Variants in BPIFA2 observed in about 807,000 individuals in gnomAD.
The protein encoded by BPIFA2 is BPI fold-containing family A member 2.
Under a neutral mutation model 25.7 loss-of-function variants are expected in BPIFA2, and 20 were observed. That is an observed-to-expected ratio of 0.78 (90% CI 0.55 to 1.13). The LOEUF is 1.13. Ranked by LOEUF, BPIFA2 falls within the 50% of genes most tolerant of loss-of-function variation. The probability of loss-of-function intolerance (pLI) is 0.00; values close to 1 mark genes in which losing one functional copy is unlikely to be tolerated. For synonymous variants in BPIFA2, 126 were observed against 124.3 expected, an observed-to-expected ratio of 1.01 and a Z score of -0.09; for missense variants, 300 against 298.1, an observed-to-expected ratio of 1.01 and a Z score of -0.05.
chr20:33,173,492 AT>A (rs1185626703), intron 3 of BPIFA2, among the ~76,000 whole-genome samples: 6 of 151,918 alleles, frequency 3.9e-5, no homozygotes, highest in African/African-American at 1.5e-4. Flanking sequence ...ACATACTTTT[AT>A]TATTATTATT....
upstream of BPIFA2, among the ~76,000 whole-genome samples, chr20:33,163,757 G>A (rs904298145): frequency 1.3e-5 from 2 of 152,052 alleles, no homozygotes; most frequent in African/African-American, 4.8e-5. Flanking sequence ...GGGAGGTGGA[G>A]GTTGCGGTGA....
chr20:33,172,136 G>C (rs1262740499), intron 2 of BPIFA2, among the ~76,000 whole-genome samples: 2 of 151,536 alleles, frequency 1.3e-5, no homozygotes, highest in African/African-American at 4.9e-5. Context: ...ACTAACACAG[G>C]AACAGAAAAC....
chr20:33,180,657 C>T (rs1213972746), intron 8 of BPIFA2, 60 bp downstream of exon 8: 22 of 1,368,076 alleles, frequency 1.6e-5, no homozygotes, highest in South Asian at 3.6e-5. Context: ...AAAAGTCAAG[C>T]GTGGCTTCCC....
At chr20:33,180,113 G>A (rs1299580936) in intron 7 of BPIFA2, among the ~76,000 whole-genome samples, 1 of 152,126 alleles carries the variant, frequency 6.6e-6, no homozygotes, top group African/African-American at 2.4e-5. Context: ...AGCTACTCGG[G>A]AGGCTGAGGC....
At chr20:33,166,017 ATTTTT>A (rs1386307447), upstream of BPIFA2, among the ~76,000 whole-genome samples, 1 of 151,714 alleles carries the variant, frequency 6.6e-6, no homozygotes, top group Non-Finnish European at 1.5e-5. Flanking sequence ...ATTTTATTTT[ATTTTT>A]GTTTGTTTGT....
chr20:33,181,137 T>A (rs1984266969), intron 8 of BPIFA2, 87 bp from the exon 9 acceptor site: 1 of 152,506 alleles, frequency 6.6e-6, no homozygotes, highest in Non-Finnish European at 1.5e-5. Flanking sequence ...TCAACTTGGG[T>A]CCCATCAAGT....
chr20:33,163,727 C>A (rs1482978841), upstream of BPIFA2, among the ~76,000 whole-genome samples: 1 of 152,062 alleles, frequency 6.6e-6, no homozygotes, highest in African/African-American at 2.4e-5. Flanking sequence ...GCGGCTGAGG[C>A]AGGAGAATCA....
intron 2 of BPIFA2, 41 bp from the exon 3 acceptor site, chr20:33,172,891 G>C (rs774024155): frequency 1.2e-6 from 2 of 1,600,046 alleles, no homozygotes; most frequent in Non-Finnish European, 1.7e-6. Flanking sequence ...TAGCTACTTC[G>C]TAAGTGGTGC....
intron 6 of BPIFA2, among the ~76,000 whole-genome samples, chr20:33,178,744 T>G (rs2146457615): frequency 6.6e-6 from 1 of 152,290 alleles, no homozygotes; most frequent in South Asian, 2.1e-4. Flanking sequence ...AATGTGGGTT[T>G]ATAAAAGAAA....
At chr20:33,168,487 T>C (rs1474158843) in intron 1 of BPIFA2, among the ~76,000 whole-genome samples, 2 of 152,190 alleles carry the variant, frequency 1.3e-5, no homozygotes, top group Admixed American at 6.5e-5. Flanking sequence ...ATCTATAGAT[T>C]ATATTAAAAT....
At chr20:33,165,879 C>A (rs1983708527), upstream of BPIFA2, among the ~76,000 whole-genome samples, 1 of 152,062 alleles carries the variant, frequency 6.6e-6, no homozygotes, top group East Asian at 1.9e-4. Flanking sequence ...GTCACTGTTT[C>A]TTTTTCCGGA....
chr20:33,170,994 T>C (rs1163672019), intron 2 of BPIFA2, among the ~76,000 whole-genome samples: 1 of 152,240 alleles, frequency 6.6e-6, no homozygotes, highest in Non-Finnish European at 1.5e-5. Flanking sequence ...TACAGAATCC[T>C]TTCCCCACTG....
chr20:33,172,286 C>T (rs543455547), intron 2 of BPIFA2, among the ~76,000 whole-genome samples: 1 of 152,110 alleles, frequency 6.6e-6, no homozygotes. Context: ...ATACCTAATG[C>T]AGGTGGGGCT....
At chr20:33,178,288 T>C in intron 6 of BPIFA2, 60 bp downstream of exon 6, 1 of 1,339,870 alleles carries the variant, frequency 7.5e-7, no homozygotes, top group South Asian at 1.3e-5. Flanking sequence ...TGGGGGAATT[T>C]GCAGGCCTGG....
At chr20:33,180,435 C>A in intron 7 of BPIFA2, 85 bp from the exon 8 acceptor site, 1 of 1,455,718 alleles carries the variant, frequency 6.9e-7, no homozygotes, top group Non-Finnish European at 9.6e-7. Flanking sequence ...AGGTTACCGG[C>A]TGGAGAGCGG....
At chr20:33,165,011 A>G (rs1281137143), upstream of BPIFA2, among the ~76,000 whole-genome samples, 1 of 152,264 alleles carries the variant, frequency 6.6e-6, no homozygotes, top group African/African-American at 2.4e-5. Context: ...ATTAGTGTCC[A>G]GATGTGGAAT....
rs143444594 is a variant in BPIFA2, at chr20:33,180,525, C to G, written c.715C>G (p.Pro239Ala). 1 of 1,613,230 alleles carries G rather than the reference C, an allele frequency of 6.2e-7. No homozygotes were observed. The highest frequency in any genetic ancestry group is 8.5e-7 in the Non-Finnish European group (1 of 1,179,182). ...VNVIQQVVDN[P>A]QHKTQLQTLI The stretch of plus-strand genomic sequence containing the variant: ...TATTGATTTTGTTTCTTCAGATAAT[C>G]CTCAGCACAAAACCCAGCTGCAAAC... Residue 239 changes from proline (P) to alanine (A), a missense_variant, in exon 8 of 9, where the codon CCT becomes GCT. Coordinates refer to ENST00000354932, the MANE Select transcript of BPIFA2 (RefSeq NM_080574.4).
rs1462668763 is a variant in BPIFA2 at position 33,180,593 on chromosome 20, T to C, written c.*33T>C. 1.2e-6 allele frequency: 2 copies of C among 1,601,416 alleles called. No homozygotes were observed. The highest frequency in any genetic ancestry group is 3.3e-5 in the Admixed American group (2 of 60,014). ...GAATGAGGAGGACCACTGTGGTGCA[T>C]GCTGGTGAGGAGCCAGTCTCTGTGC... is the stretch of plus-strand genomic sequence containing the variant. On this transcript the variant is annotated 3_prime_UTR_variant, in exon 8 of 9. Transcript: ENST00000354932.
intron 2 of BPIFA2, among the ~76,000 whole-genome samples, chr20:33,170,669 C>T (rs1983869752): frequency 6.6e-6 from 1 of 152,208 alleles, no homozygotes; most frequent in South Asian, 2.1e-4. Flanking sequence ...ACTGGGATTA[C>T]AGGCGTGAGC....
Sources: gnomAD v4.1 joint callset for allele counts (sites outside exome capture counted in the v4.1 genomes callset) on GRCh38, gnomAD v4.1.1 for gene constraint, MANE v1.5 for transcripts, NCBI Gene and HGNC (gene_info 2026-07-23, HGNC 2026-07-21) for gene names.